Variants in SYNE2 observed in about 807,000 individuals in gnomAD.
SYNE2 encodes the protein spectrin repeat containing nuclear envelope protein 2, also known as nesprin-2.
In SYNE2, 431 loss-of-function variants were observed where a neutral mutation model predicts 856.3. The ratio of observed to expected loss-of-function variants is 0.50; its 90% CI spans 0.47 to 0.55. The LOEUF is 0.55. Ranked by LOEUF, SYNE2 falls within the 20% of genes least tolerant of loss-of-function variation. SYNE2 has a pLI of 0.00. For synonymous variants in SYNE2, 2,923 were observed against 2,872.3 expected (o/e 1.02, Z -0.56); for missense variants, 8,129 against 8,023.2 (o/e 1.01, Z -0.50).
intron 1 of SYNE2, among the ~76,000 whole-genome samples, chr14:63,825,134 A>T (rs1338981630): frequency 6.6e-6 from 1 of 152,198 alleles, no homozygotes; most frequent in African/African-American, 2.4e-5. Flanking sequence ...AACTTTATTA[A>T]CTGATAAAGG....
chr14:64,051,773 G>A lies in SYNE2; in HGVS notation c.7860G>A (p.Gln2620=). 1 of 1,614,162 alleles carries A rather than the reference G, an allele frequency of 6.2e-7. No homozygotes were observed. The change falls in exon 48 of 116, where the codon CAG becomes CAA. Residue 2620 remains glutamine (Q), a synonymous_variant. Coordinates refer to ENST00000555002, the MANE Select transcript of SYNE2 (RefSeq NM_182914.3). ...VEQQIQKKYS[Q]QVVEYDEFTT... is the part of the protein sequence containing the mutation. ...AGCAGATTCAAAAGAAGTATTCTCAGCAGGTAGTGGAATATGATGAATTTA... is the reference window on the plus strand; with the variant it reads ...AGCAGATTCAAAAGAAGTATTCTCAACAGGTAGTGGAATATGATGAATTTA...
Position 64,143,966 on chromosome 14 carries a change from A to G in SYNE2, c.15483+18A>G, listed in dbSNP as rs1381195194. ...ATAGAAAGGTGTGTTCCTGCGTCAC[A>G]ACTGGATGTGTGGTTTGACCTTTAT... On this transcript the variant is annotated intron_variant, in intron 83 of 115. Coordinates refer to ENST00000555002, the MANE Select transcript of SYNE2 (RefSeq NM_182914.3). The G allele has an allele frequency of 1.2e-6, 2 of 1,614,046 alleles. No homozygotes were observed. The highest frequency in any genetic ancestry group is 3.3e-5 in the Admixed American group (2 of 60,026).
Position 63,987,278 on chromosome 14 carries a change from A to G in SYNE2, c.2313+661A>G, listed in dbSNP as rs2096633987. Among the ~76,000 whole-genome samples the G allele has an allele frequency of 2.0e-5, 3 of 151,996 alleles. No individual in the cohort carries two copies. The South Asian group carries it at 6.2e-4, about 31-fold the overall frequency. ...TGGGAAAAAAAAAAAAAGAAATCATACAATCTATGCTTTGAAAGTTCACCC... is the reference window on the plus strand; with the variant it reads ...TGGGAAAAAAAAAAAAAGAAATCATGCAATCTATGCTTTGAAAGTTCACCC... On this transcript the variant is annotated intron_variant, in intron 19 of 115. Coordinates refer to ENST00000555002, the MANE Select transcript of SYNE2 (RefSeq NM_182914.3).
At chr14:64,049,982 T>C in intron 47 of SYNE2, 106 bp downstream of exon 47, 1 of 1,363,348 alleles carries the variant, frequency 7.3e-7, no homozygotes. Flanking sequence ...AAGGAAATTA[T>C]GATTTTAAAA....
chr14:63,862,416 G>A (rs1893987192), intron 1 of SYNE2, among the ~76,000 whole-genome samples: 2 of 151,706 alleles, frequency 1.3e-5, no homozygotes, highest in Non-Finnish European at 2.9e-5. Context: ...TTGATATTTT[G>A]TAGAGACCGA....
At chr14:63,860,716 T>C (rs1308124777) in intron 1 of SYNE2, among the ~76,000 whole-genome samples, 1 of 152,248 alleles carries the variant, frequency 6.6e-6, no homozygotes, top group Non-Finnish European at 1.5e-5. Flanking sequence ...TGTGTAAATG[T>C]ACCCCTATTT....
At chr14:63,982,525 AAAAAAAAAAAAAG>A (rs937336216) in intron 16 of SYNE2, 92 bp from the exon 17 acceptor site, 14 of 1,217,534 alleles carry the variant, frequency 1.1e-5, no homozygotes, top group African/African-American at 1.6e-5. Flanking sequence ...ATCTCAAAAA[AAAAAAAAAAAAAG>A]AAAAGAAAAA....
At chr14:64,044,953 A>G (rs947248040) in intron 45 of SYNE2, among the ~76,000 whole-genome samples, 5 of 152,188 alleles carry the variant, frequency 3.3e-5, no homozygotes, top group African/African-American at 1.2e-4. Context: ...TCAAGTTCAT[A>G]TGAAATATTT....
At chr14:63,978,179 A>G (rs974020489) in intron 13 of SYNE2, among the ~76,000 whole-genome samples, 162 bp downstream of exon 13, 6 of 152,244 alleles carry the variant, frequency 3.9e-5, no homozygotes, top group Non-Finnish European at 8.8e-5. Context: ...TAGTAACATT[A>G]TAGGTAGTAT....
rs750900424 is a variant in SYNE2 at position 64,163,406 on chromosome 14, T to G, written c.16304T>G (p.Leu5435Arg). The G allele has an allele frequency of 3.1e-6, 5 of 1,613,920 alleles. No homozygotes were observed. In the East Asian group the frequency reaches 8.9e-5, roughly 29 times the overall value. ...LPPALQDIKE[L>R]QHDVQKTKEA... ...CCATCCCTTTTTCTTCTGCAGGAGC[T>G]GCAGCATGATGTGCAGAAAACAAAA... The change falls in exon 89 of 116, where the codon CTG becomes CGG. Residue 5435 changes from leucine (L) to arginine (R), a missense_variant. Transcript: ENST00000555002.
intron 16 of SYNE2, 117 bp downstream of exon 16, chr14:63,981,290 A>G: frequency 1.1e-6 from 1 of 914,218 alleles, no homozygotes; most frequent in Non-Finnish European, 1.7e-6. Context: ...GTTTTGGAAA[A>G]TTCTTCAAGG....
chr14:64,078,800 G>A lies in SYNE2; in HGVS notation c.11163+194G>A, dbSNP rs564748945. ...AAAAATTATTCTCTTGGCCAGGTGC[G>A]GTGACCCACGCCTGTAATCCCAGCA... On this transcript the variant is annotated intron_variant, in intron 55 of 115. Transcript: ENST00000555002. Among the ~76,000 whole-genome samples the A allele has an allele frequency of 4.7e-4, 72 of 152,214 alleles. 1 individual carries two copies. The highest frequency in any genetic ancestry group is 1.3e-3 in the African/African-American group (56 of 41,536).
At chr14:63,871,467 CAA>C (rs1450351154) in intron 1 of SYNE2, among the ~76,000 whole-genome samples, 1 of 151,990 alleles carries the variant, frequency 6.6e-6, no homozygotes, top group Non-Finnish European at 1.5e-5. Flanking sequence ...CTCAGCCTCC[CAA>C]AGTGCTGGGA....
At chr14:64,127,343 G>C (rs538212025) in intron 73 of SYNE2, among the ~76,000 whole-genome samples, 3 of 152,072 alleles carry the variant, frequency 2.0e-5, no homozygotes, top group Non-Finnish European at 2.9e-5. Context: ...GGGAGGCCTA[G>C]GTAGGTGGAT....
Position 64,167,370 on chromosome 14 carries a change from G to C in SYNE2, c.16743G>C (p.Thr5581=), listed in dbSNP as rs138769395. The change falls in exon 91 of 116, where the codon ACG becomes ACC. Residue 5581 remains threonine (T), a synonymous_variant. Transcript: ENST00000555002. ...GGCAATGGATTCGGGCCACGGCCACGGCACTGGAGCGCTGCAGGTTAGAAC... is the reference window on the plus strand; with the variant it reads ...GGCAATGGATTCGGGCCACGGCCACCGCACTGGAGCGCTGCAGGTTAGAAC... ...MNRQWIRATA[T]ALERCSELQG... 1 of 1,614,208 alleles carries C rather than the reference G, an allele frequency of 6.2e-7. No homozygotes were observed. The highest frequency in any genetic ancestry group is 8.5e-7 in the Non-Finnish European group (1 of 1,180,044).
chr14:64,199,486 G>A (rs2098552569), intron 99 of SYNE2, among the ~76,000 whole-genome samples: 1 of 152,078 alleles, frequency 6.6e-6, no homozygotes, highest in African/African-American at 2.4e-5. Context: ...GGGAGGTTGA[G>A]GCAGGTGGAT....
chr14:63,963,726 T>C (rs2096352643), intron 9 of SYNE2, among the ~76,000 whole-genome samples, 173 bp from the exon 10 acceptor site: 1 of 152,198 alleles, frequency 6.6e-6, no homozygotes. Context: ...CTAGTTTCAA[T>C]CTGGTTTAAA....
At chr14:63,809,942 G>A (rs1888549655) in intron 1 of SYNE2, among the ~76,000 whole-genome samples, 1 of 152,178 alleles carries the variant, frequency 6.6e-6, no homozygotes, top group South Asian at 2.1e-4. Flanking sequence ...AGGCAAGAAG[G>A]CCAGGTGTGG....
chr14:63,882,467 G>C (rs935573237), intron 1 of SYNE2, among the ~76,000 whole-genome samples: 2 of 151,938 alleles, frequency 1.3e-5, no homozygotes, highest in Non-Finnish European at 2.9e-5. Context: ...AGTAATCCCA[G>C]CACTTTGAGA....
Sources: allele counts gnomAD v4.1 joint callset (sites outside exome capture counted in the v4.1 genomes callset), GRCh38; gene constraint gnomAD v4.1.1; transcripts MANE v1.5; gene names NCBI Gene and HGNC (gene_info 2026-07-23, HGNC 2026-07-21).